The following RP1 variants were observed in gnomAD, a reference collection of about 807,000 sequenced individuals.
The protein encoded by RP1 is oxygen-regulated protein 1.
RP1 carries 16 observed loss-of-function variants against 14.8 expected under a neutral mutation model. The ratio of observed to expected loss-of-function variants is 1.08; its 90% CI spans 0.73 to 1.65. The LOEUF is 1.65. Among genes scored for constraint, RP1 ranks in the 40% most tolerant of loss-of-function variants. The probability of loss-of-function intolerance (pLI) is 0.00; values close to 1 mark genes in which losing one functional copy is unlikely to be tolerated. For synonymous variants in RP1, 876 were observed against 883.6 expected, an observed-to-expected ratio of 0.99 and a Z score of 0.15; for missense variants, 2,631 against 2,535.0, an observed-to-expected ratio of 1.04 and a Z score of -0.81.
At chr8:54,754,890 G>T in exon 20 of RP1, 1 of 1,526,764 alleles carries the variant, frequency 6.5e-7, no homozygotes, top group Non-Finnish European at 8.8e-7. Context: ...TGGGGATGTT[G>T]TCTGTGAGCT....
intron 1 of RP1, among the ~76,000 whole-genome samples, chr8:54,601,316 A>G (rs6986108): frequency 0.7 from 106,440 of 151,984 alleles, 38,532 homozygotes; most frequent in African/African-American, 0.85. Flanking sequence ...AGCGATATTC[A>G]CAAGAACAAA....
intron 27 of RP1, among the ~76,000 whole-genome samples, chr8:54,858,776 C>T (rs1013042550): frequency 2.0e-4 from 30 of 151,934 alleles, no homozygotes; most frequent in Admixed American, 1.8e-3. Context: ...AGTGATGTCA[C>T]GGTGGAATGT....
At chr8:54,576,091 A>T (rs2129294753) in intron 1 of RP1, among the ~76,000 whole-genome samples, 1 of 147,092 alleles carries the variant, frequency 6.8e-6, no homozygotes, top group Admixed American at 7.0e-5. Flanking sequence ...CCCAGGCTGG[A>T]GTGCAGTGGC....
At chr8:54,750,210 GATTA>G (rs1809323308) in intron 19 of RP1, among the ~76,000 whole-genome samples, 1 of 152,186 alleles carries the variant, frequency 6.6e-6, no homozygotes, top group Non-Finnish European at 1.5e-5. Context: ...CAATCTCTGA[GATTA>G]ATTTTGATAC....
At chr8:54,801,219 G>C (rs961169275) in intron 24 of RP1, among the ~76,000 whole-genome samples, 4 of 152,096 alleles carry the variant, frequency 2.6e-5, no homozygotes, top group Admixed American at 2.0e-4. Context: ...TGGCTCTTCT[G>C]GTTTGTCTGT....
intron 25 of RP1, among the ~76,000 whole-genome samples, chr8:54,852,020 T>C (rs149325382): frequency 1.7e-3 from 256 of 152,342 alleles, no homozygotes; most frequent in African/African-American, 5.9e-3. Context: ...TTTGCCTTAA[T>C]TCTAAGGACA....
At chr8:54,665,532 G>GT (rs1563341804) in intron 7 of RP1, among the ~76,000 whole-genome samples, 1 of 152,106 alleles carries the variant, frequency 6.6e-6, no homozygotes, top group African/African-American at 2.4e-5. Flanking sequence ...GATCAAGTTC[G>GT]TTTTTTCCTC....
At chr8:54,825,348 T>C (rs1459250533) in intron 24 of RP1, among the ~76,000 whole-genome samples, 2 of 152,182 alleles carry the variant, frequency 1.3e-5, no homozygotes, top group Non-Finnish European at 2.9e-5. Flanking sequence ...TCAACGTTCT[T>C]ATTCAATACA....
chr8:54,676,553 T>C (rs1807299150), intron 8 of RP1, among the ~76,000 whole-genome samples: 1 of 152,220 alleles, frequency 6.6e-6, no homozygotes, highest in South Asian at 2.1e-4. Context: ...TTTAAATACC[T>C]ACTCACCAAC....
chr8:54,824,723 G>A (rs765700337), intron 24 of RP1, among the ~76,000 whole-genome samples: 1 of 152,146 alleles, frequency 6.6e-6, no homozygotes, highest in African/African-American at 2.4e-5. Flanking sequence ...CCGTGACCAA[G>A]TAAGATTTAT....
chr8:54,811,380 AACATT>A (rs1563383315), intron 24 of RP1, among the ~76,000 whole-genome samples: 2 of 152,252 alleles, frequency 1.3e-5, no homozygotes, highest in Non-Finnish European at 2.9e-5. Context: ...AACAAAATGT[AACATT>A]TTCTGCCATC....
intron 17 of RP1, among the ~76,000 whole-genome samples, chr8:54,727,179 C>A (rs756976191): frequency 6.6e-6 from 1 of 151,962 alleles, no homozygotes; most frequent in African/African-American, 2.4e-5. Flanking sequence ...ATATAATAGA[C>A]GTCTCTTGTT....
intron 14 of RP1, chr8:54,701,793 A>G: frequency 2.5e-6 from 2 of 786,608 alleles, no homozygotes; most frequent in East Asian, 2.8e-5. Context: ...ATTGGTGCCT[A>G]TTTCCATTCT....
downstream of RP1, among the ~76,000 whole-genome samples, chr8:54,631,519 T>C (rs1463007515): frequency 6.6e-6 from 1 of 151,994 alleles, no homozygotes; most frequent in African/African-American, 2.4e-5. Flanking sequence ...ACTGTGAATG[T>C]GGCTTTATTA....
chr8:54,816,702 C>T (rs532367559), intron 24 of RP1, among the ~76,000 whole-genome samples: 1 of 152,304 alleles, frequency 6.6e-6, no homozygotes, highest in African/African-American at 2.4e-5. Flanking sequence ...TTTTGCAGAA[C>T]AGTCAAGGAA....
At chr8:54,599,655 A>C (rs55858473) in intron 1 of RP1, among the ~76,000 whole-genome samples, 1 of 151,870 alleles carries the variant, frequency 6.6e-6, no homozygotes, top group African/African-American at 2.4e-5. Flanking sequence ...ATGTTTCATC[A>C]TGTTGGCCAG....
chr8:54,702,066 C>A (rs910020549), intron 14 of RP1, among the ~76,000 whole-genome samples: 3 of 152,008 alleles, frequency 2.0e-5, no homozygotes, highest in Non-Finnish European at 4.4e-5. Context: ...GTTTGTGAAT[C>A]TATCTTAAAA....
rs187978373 is a variant in RP1 at position 54,696,010 on chromosome 8, T to A, written c.1718-3457T>A. ...TCATTTTTAGAAATATGACTTTAAA[T>A]GAATATAAAATCATATAAATATATA... is the stretch of plus-strand genomic sequence containing the variant. On this transcript the variant is annotated intron_variant, in intron 12 of 22. Coordinates refer to the RP1 transcript ENST00000636932. Among the ~76,000 whole-genome samples, 16 of 152,258 alleles carry A rather than the reference T, an allele frequency of 1.1e-4. No homozygotes were observed. In the East Asian group the frequency reaches 2.7e-3, roughly 26 times the overall value.
chr8:54,805,839 C>T (rs1810834777), intron 24 of RP1, among the ~76,000 whole-genome samples: 1 of 151,786 alleles, frequency 6.6e-6, no homozygotes, highest in Non-Finnish European at 1.5e-5. Flanking sequence ...TGAATGAGGG[C>T]TCCTTATGGC....
Sources: gnomAD v4.1 joint callset for allele counts (sites outside exome capture counted in the v4.1 genomes callset) on GRCh38, gnomAD v4.1.1 for gene constraint, MANE v1.5 for transcripts, NCBI Gene and HGNC (gene_info 2026-07-23, HGNC 2026-07-21) for gene names.